Variants in DUXB observed in about 807,000 individuals in gnomAD.
The protein encoded by DUXB is double homeobox B, also known as double homeobox protein B.
Under a neutral mutation model 8.9 loss-of-function variants are expected in DUXB, and 22 were observed. The ratio of observed to expected loss-of-function variants is 2.46; its 90% CI spans 1.76 to 3.52. The LOEUF is 3.52. Among genes scored for constraint, DUXB ranks in the 30% most tolerant of loss-of-function variants. DUXB has a pLI of 0.00. For missense variants in DUXB, 237 were observed against 108.7 expected (o/e 2.18, Z -5.25); for synonymous variants, 84 against 37.6 (o/e 2.23, Z -4.52).
At chr16:75,698,967 T>A (rs1357292467) in intron 2 of DUXB, among the ~76,000 whole-genome samples, 1 of 152,168 alleles carries the variant, frequency 6.6e-6, no homozygotes, top group Admixed American at 6.6e-5. Flanking sequence ...CCTAAGCCCC[T>A]GAGTAGCTGG....
In DUXB at chr16:75,694,154, A is replaced by T. The variant is rs1227827527; in HGVS notation, c.813T>A (p.Thr271=). 2.3e-6 allele frequency: 1 copy of T among 441,874 alleles called. No homozygotes were observed. Among genetic ancestry groups the T allele is most frequent in the East Asian group, 3.4e-5 (1 of 29,296 alleles). 27.4% of individuals were successfully genotyped at this position (441,874 alleles called of 1,614,324 possible). A position where few individuals can be genotyped will look rare whatever the true frequency, so the allele number is the denominator to read the frequency against. The change falls in exon 5 of 5, where the codon ACT becomes ACA. Residue 271 remains threonine, a synonymous_variant. Coordinates refer to ENST00000633875, the MANE Select transcript of DUXB (RefSeq NM_001351307.2). The part of the protein sequence containing the change: ...TLPILTKDLD[T]PTPFWLQYQE... ...GGTATTGGAGCCAGAAGGGAGTCGG[A>T]GTATCTAAGTCCTTTGTCAGAATTG... is the stretch of plus-strand genomic sequence containing the variant.
intron 4 of DUXB, 38 bp from the exon 5 acceptor site, chr16:75,694,563 T>C: frequency 1.4e-6 from 1 of 702,354 alleles, no homozygotes; most frequent in East Asian, 2.7e-5. Flanking sequence ...TCATAAGACA[T>C]AAGCAATTGT....
chr16:75,695,893 T>C (rs1056559688), intron 4 of DUXB, 68 bp downstream of exon 4: 2 of 681,060 alleles, frequency 2.9e-6, no homozygotes, highest in Non-Finnish European at 5.3e-6. Context: ...CTGTAAGTTT[T>C]TCAATAACAC....
Position 75,696,883 on chromosome 16 carries a change from T to C in DUXB, c.241A>G (p.Lys81Glu). The change falls in exon 3 of 5, where the codon AAA becomes GAA. Residue 81 changes from lysine to glutamate, a missense_variant. Transcript: ENST00000633875. ...TGGTCATGCCCCTGGGTTTGATCTTTTTCTGAGAAGCACTTATAATCCAGT... is the reference window on the plus strand; with the variant it reads ...TGGTCATGCCCCTGGGTTTGATCTTCTTCTGAGAAGCACTTATAATCCAGT... ...RKLDYKCFSE[K>E]DQTQGHDQSQ... 1.4e-6 allele frequency: 1 copy of C among 703,012 alleles called. No individual in the cohort carries two copies. The highest frequency in any genetic ancestry group is 2.6e-6 in the Non-Finnish European group (1 of 385,012). The allele number at this position is 703,012 out of a possible 1,614,324, so 43.5% of individuals were successfully genotyped here. A position where few individuals can be genotyped will look rare whatever the true frequency, so the allele number is the denominator to read the frequency against.
At chr16:75,696,967 T>C in intron 2 of DUXB, 24 bp from the exon 3 acceptor site, 1 of 700,188 alleles carries the variant, frequency 1.4e-6, no homozygotes, top group Non-Finnish European at 2.6e-6. Flanking sequence ...GAAGATGTGA[T>C]AGTCATACAA....
Position 75,696,071 on chromosome 16 carries a change from A to G in DUXB, c.331T>C (p.Trp111Arg). 2.8e-6 allele frequency: 2 copies of G among 703,016 alleles called. No homozygotes were observed. The highest frequency in any genetic ancestry group is 2.6e-6 in the Non-Finnish European group (1 of 385,018). 43.5% of individuals were successfully genotyped at this position (703,016 alleles called of 1,614,324 possible). A position where few individuals can be genotyped will look rare whatever the true frequency, so the allele number is the denominator to read the frequency against. Reference protein sequence around the residue: ...EARQKQTFITWTQKNRLVQAF... With the variant: ...EARQKQTFITRTQKNRLVQAF... The stretch of plus-strand genomic sequence containing the variant: ...TGCACTAGCCTGTTTTTTTGAGTCC[A>G]TGTGATGAATGTCTGTTTTTGTCGG... Residue 111 changes from tryptophan (W) to arginine (R), a missense_variant, in exon 4 of 5, where the codon TGG (tryptophan) becomes CGG (arginine). By Grantham distance (101) the Trp-to-Arg change is moderately radical. Transcript: ENST00000633875.
chr16:75,701,444 G>C lies in DUXB; in HGVS notation c.-26C>G, dbSNP rs183864899. On this transcript the variant is annotated 5_prime_UTR_variant, in exon 1 of 5. Transcript: ENST00000633875. ...CTTGGGCAGAAGACCTGGACTCCAC[G>C]GAGATCAGCGAGTAACTGAGCAGCT... 2.8e-5 allele frequency: 11 copies of C among 398,456 alleles called. No individual in the cohort carries two copies. The Admixed American group carries it at 3.1e-4, about 11-fold the overall frequency. The allele number at this position is 398,456 out of a possible 1,614,324, so 24.7% of individuals were successfully genotyped here.
intron 2 of DUXB, 66 bp downstream of exon 2, chr16:75,699,949 C>T (rs200118063): frequency 2.7e-5 from 16 of 601,660 alleles, no homozygotes; most frequent in East Asian, 1.1e-4. Context: ...TTGGCAAAAG[C>T]GCTGGGCCTA....
Position 75,696,904 on chromosome 16 carries a change from CCA to C in DUXB, c.218_219del (p.Leu73ArgfsTer3), listed in dbSNP as rs777613897. ...FKNYRVKQRK[L>X]DYKCFSEKDQ... Reference sequence around the variant, plus strand: ...TCTTTTTCTGAGAAGCACTTATAATCCAGTTTTCTCTGTTTTACTCTGTAATT... The same window carrying C: ...TCTTTTTCTGAGAAGCACTTATAATCGTTTTCTCTGTTTTACTCTGTAATT... On this transcript the variant is annotated frameshift_variant, in exon 3 of 5. Coordinates refer to ENST00000633875, the MANE Select transcript of DUXB (RefSeq NM_001351307.2). LOFTEE classifies it high-confidence loss of function. 1.4e-4 allele frequency: 97 copies of C among 702,746 alleles called. No individual in the cohort carries two copies. The highest frequency in any genetic ancestry group is 7.4e-4 in the Admixed American group (37 of 49,970). 43.5% of individuals were successfully genotyped at this position (702,746 alleles called of 1,614,324 possible). A position where few individuals can be genotyped will look rare whatever the true frequency, so the allele number is the denominator to read the frequency against.
At position 75,700,084 on chromosome 16, in the gene DUXB, G is replaced by A. The variant is rs374812412; in HGVS notation, c.111C>T (p.Asp37=). Residue 37 remains aspartate (D), a synonymous_variant, in exon 2 of 5, where the codon GAC becomes GAT. Coordinates refer to ENST00000633875, the MANE Select transcript of DUXB (RefSeq NM_001351307.2). ...CTCTGGCAGCTTTATCAGGGAAAGGGTCATGTTGAAACCATGATTGGAGGA... is the reference window on the plus strand; with the variant it reads ...CTCTGGCAGCTTTATCAGGGAAAGGATCATGTTGAAACCATGATTGGAGGA... ...KDILQSWFQH[D]PFPDKAAREQ... 56 of 702,796 alleles carry A rather than the reference G, an allele frequency of 8.0e-5. 1 individual carries two copies. Among genetic ancestry groups the A allele is most frequent in the South Asian group, 7.8e-4 (53 of 67,560 alleles). 43.5% of individuals were successfully genotyped at this position (702,796 alleles called of 1,614,324 possible).
intron 2 of DUXB, among the ~76,000 whole-genome samples, chr16:75,697,149 C>G (rs4887835): frequency 0.11 from 16,212 of 152,100 alleles, 2,264 homozygotes; most frequent in East Asian, 0.64. Context: ...ATCAAAGGAG[C>G]TTTTCTTTCA....
At chr16:75,697,791 C>T (rs2082620521) in intron 2 of DUXB, among the ~76,000 whole-genome samples, 4 of 152,202 alleles carry the variant, frequency 2.6e-5, no homozygotes, top group African/African-American at 9.7e-5. Flanking sequence ...GTGAGCATTA[C>T]CTGCCTAAGC....
Position 75,694,328 on chromosome 16 carries a change from A to C in DUXB, c.639T>G (p.Val213=). ...SSSGHETLPP[V]LPSTQAPWDP... is the part of the protein sequence containing the mutation. ...CCCAAGGAGCCTGGGTTGAAGGAAG[A>C]ACAGGTGGAAGAGTTTCATGCCCGC... is the stretch of plus-strand genomic sequence containing the variant. The change falls in exon 5 of 5, where the codon GTT becomes GTG. Residue 213 remains valine (V), a synonymous_variant. Coordinates refer to ENST00000633875, the MANE Select transcript of DUXB (RefSeq NM_001351307.2). 1 of 628,730 alleles carries C rather than the reference A, an allele frequency of 1.6e-6. No individual in the cohort carries two copies. The highest frequency in any genetic ancestry group is 2.8e-6 in the Non-Finnish European group (1 of 354,448). 38.9% of individuals were successfully genotyped at this position (628,730 alleles called of 1,614,324 possible).
chr16:75,695,311 C>T (rs2082596751), intron 4 of DUXB, among the ~76,000 whole-genome samples: 1 of 152,170 alleles, frequency 6.6e-6, no homozygotes, highest in African/African-American at 2.4e-5. Flanking sequence ...TTTTTTTCCT[C>T]TTCACGGATG....
chr16:75,697,955 C>T (rs1176916632), intron 2 of DUXB, among the ~76,000 whole-genome samples: 1 of 152,054 alleles, frequency 6.6e-6, no homozygotes, highest in African/African-American at 2.4e-5. Flanking sequence ...TAGTTTCATC[C>T]CAAAACCATT....
At position 75,699,997 on chromosome 16, in the gene DUXB, T is replaced by C; in HGVS notation, c.180+18A>G. ...ACCATGGTTCTGACAGGTAATGAAG[T>C]AGAAATCTAATGCCTACCTGAATAT... On this transcript the variant is annotated intron_variant, in intron 2 of 4. Coordinates refer to ENST00000633875, the MANE Select transcript of DUXB (RefSeq NM_001351307.2). The C allele has an allele frequency of 1.5e-6, 1 of 688,442 alleles. No individual in the cohort carries two copies. The highest frequency in any genetic ancestry group is 2.6e-6 in the Non-Finnish European group (1 of 379,582). 42.6% of individuals were successfully genotyped at this position (688,442 alleles called of 1,614,324 possible). A position where few individuals can be genotyped will look rare whatever the true frequency, so the allele number is the denominator to read the frequency against.
In DUXB at chr16:75,696,837, C is replaced by T. The variant is rs1176032751; in HGVS notation, c.286+1G>A. 5.7e-6 allele frequency: 4 copies of T among 702,438 alleles called. No homozygotes were observed. Among genetic ancestry groups the T allele is most frequent in the Non-Finnish European group, 1.0e-5 (4 of 384,856 alleles). 43.5% of individuals were successfully genotyped at this position (702,438 alleles called of 1,614,324 possible). Reference sequence around the variant, plus strand: ...CAATGGGACCCATTGAGCATTCTTACCTTGAGTCAGATGCTGGGACTGGTC... The same window carrying T: ...CAATGGGACCCATTGAGCATTCTTATCTTGAGTCAGATGCTGGGACTGGTC... On this transcript the variant is annotated splice_donor_variant, in intron 3 of 4. Coordinates refer to ENST00000633875, the MANE Select transcript of DUXB (RefSeq NM_001351307.2). LOFTEE classifies it high-confidence loss of function.
chr16:75,695,312 T>C (rs2082596770), intron 4 of DUXB, among the ~76,000 whole-genome samples: 1 of 152,248 alleles, frequency 6.6e-6, no homozygotes, highest in South Asian at 2.1e-4. Context: ...TTTTTTCCTC[T>C]TCACGGATGT....
chr16:75,695,986 G>C lies in DUXB; in HGVS notation c.416C>G (p.Thr139Arg). The change falls in exon 4 of 5, where the codon ACA (threonine) becomes AGA (arginine). Residue 139 changes from threonine (T) to arginine (R), a missense_variant. By Grantham distance (71) the Thr-to-Arg change is moderately conservative. Transcript: ENST00000633875. ...TTGAATTCTTGATTCCTGCAGGCCTGTTTGTTCAGCCAGTTTTTTTCTGGT... is the reference window on the plus strand; with the variant it reads ...TTGAATTCTTGATTCCTGCAGGCCTCTTTGTTCAGCCAGTTTTTTTCTGGT... The part of the protein sequence containing the change: ...IATRKKLAEQ[T>R]GLQESRIQMW... 1.4e-6 allele frequency: 1 copy of C among 702,992 alleles called. No individual in the cohort carries two copies. Among genetic ancestry groups the C allele is most frequent in the Non-Finnish European group, 2.6e-6 (1 of 385,016 alleles). The allele number at this position is 702,992 out of a possible 1,614,324, so 43.5% of individuals were successfully genotyped here.
Sources: allele counts gnomAD v4.1 joint callset (sites outside exome capture counted in the v4.1 genomes callset), GRCh38; gene constraint gnomAD v4.1.1; transcripts MANE v1.5; gene names NCBI Gene and HGNC (gene_info 2026-07-23, HGNC 2026-07-21).